Variants in FBN1 observed in about 807,000 individuals in gnomAD.
The protein encoded by FBN1 is fibrillin 1, also known as fibrillin-1.
Under a neutral mutation model 365.1 loss-of-function variants are expected in FBN1, and 29 were observed. The observed-to-expected ratio is 0.08, with a 90% confidence interval of 0.06 to 0.11. FBN1 has a LOEUF of 0.11. Ranked by LOEUF, FBN1 falls within the 10% of genes least tolerant of loss-of-function variation. The pLI is 1.00. For synonymous variants in FBN1, 1,210 were observed against 1,270.5 expected (o/e 0.95, Z 1.01); for missense variants, 2,476 against 3,703.2 (o/e 0.67, Z 8.60).
In FBN1 at chr15:48,534,877, A is replaced by G. The variant is rs1448997904; in HGVS notation, c.737-672T>C. ...GACTTACCTTGCTGGCACAGTGGCC[A>G]CCAGAAGCCACTTTTGTAAATGTCA... On this transcript the variant is annotated intron_variant, in intron 7 of 65. Transcript: ENST00000316623. 2.0e-5 allele frequency among the ~76,000 whole-genome samples: 3 copies of G among 152,220 alleles called. No individual in the cohort carries two copies. In the East Asian group the frequency reaches 5.8e-4, roughly 29 times the overall value.
rs781397493 is a variant in FBN1, at chr15:48,515,501, A to G, written c.1354T>C (p.Tyr452His). Residue 452 changes from tyrosine to histidine, a missense_variant, in exon 12 of 66, where the codon TAC becomes CAC. Physicochemically the swap from Tyr to His is moderately conservative, Grantham distance 83. Transcript: ENST00000316623. Reference protein sequence around the residue: ...PRVLPVNVTDYCQLVRYLCQN... With the variant: ...PRVLPVNVTDHCQLVRYLCQN... ...CAGAGATAGCGGACCAACTGGCAGT[A>G]ATCAGTAACGTTTACTGGCAGCACC... The G allele has an allele frequency of 4.3e-6, 7 of 1,614,040 alleles. No homozygotes were observed. The South Asian group carries it at 7.7e-5, about 18-fold the overall frequency.
chr15:48,438,890 C>A (rs12593184), intron 50 of FBN1, among the ~76,000 whole-genome samples: 1 of 152,136 alleles, frequency 6.6e-6, no homozygotes, highest in Admixed American at 6.6e-5. Flanking sequence ...TTAAAGCCTT[C>A]CAAAACTCCT....
chr15:48,561,262 G>C (rs1346185989), intron 6 of FBN1, among the ~76,000 whole-genome samples: 1 of 152,120 alleles, frequency 6.6e-6, no homozygotes, highest in Non-Finnish European at 1.5e-5. Flanking sequence ...ATTACCTTCT[G>C]CTACAGGGAC....
chr15:48,545,523 T>C (rs1324630208), intron 6 of FBN1, among the ~76,000 whole-genome samples: 3 of 152,122 alleles, frequency 2.0e-5, no homozygotes, highest in Non-Finnish European at 4.4e-5. Flanking sequence ...AGCAGTCAAA[T>C]TCATAGACAG....
intron 46 of FBN1, among the ~76,000 whole-genome samples, chr15:48,448,438 C>T (rs1025882343): frequency 1.3e-5 from 2 of 152,098 alleles, no homozygotes; most frequent in African/African-American, 4.8e-5. Context: ...GGTCATCTCA[C>T]ACTCAAAAAC....
intron 40 of FBN1, among the ~76,000 whole-genome samples, chr15:48,464,225 T>C (rs2043302872): frequency 1.3e-5 from 2 of 152,158 alleles, no homozygotes; most frequent in Admixed American, 6.5e-5. Flanking sequence ...GAAAAGGAAC[T>C]CTTGGCTGGG....
intron 10 of FBN1, among the ~76,000 whole-genome samples, chr15:48,518,713 C>T (rs548098825): frequency 2.0e-5 from 3 of 152,292 alleles, no homozygotes; most frequent in African/African-American, 7.2e-5. Context: ...TCCATCTTTC[C>T]TATCTCCACT....
intron 2 of FBN1, among the ~76,000 whole-genome samples, chr15:48,635,674 G>A (rs539645191): frequency 1.3e-5 from 2 of 152,284 alleles, no homozygotes; most frequent in African/African-American, 2.4e-5. Flanking sequence ...TTTATTTCAT[G>A]TATAATCTTA....
rs2043595231 is a variant in FBN1 at position 48,495,178 on chromosome 15, C to A, written c.2622G>T (p.Gln874His). The A allele has an allele frequency of 6.2e-7, 1 of 1,614,168 alleles. No individual in the cohort carries two copies. The highest frequency in any genetic ancestry group is 8.5e-7 in the Non-Finnish European group (1 of 1,180,030). ...ININGATLKSQCCSSLGAAWG... is the reference protein window; with the variant it reads ...ININGATLKSHCCSSLGAAWG... ...ACGCAGCACCGAGGGAGGAGCAGCA[C>A]TGGGACTTTAAGGTGGCTCCATTGA... Residue 874 changes from glutamine (Q) to histidine (H), a missense_variant, in exon 22 of 66, where the codon CAG (glutamine) becomes CAT (histidine). Physicochemically the swap from Gln to His is conservative, Grantham distance 24 (BLOSUM62 0). Around this residue, in one of 5 missense-constraint regions of FBN1, gnomAD observed 1,780 missense variants for 2,840.8 expected, o/e 0.63. Transcript: ENST00000316623.
At chr15:48,619,944 A>G (rs1889735526) in intron 2 of FBN1, among the ~76,000 whole-genome samples, 2 of 152,042 alleles carry the variant, frequency 1.3e-5, no homozygotes, top group Admixed American at 1.3e-4. Flanking sequence ...TTCGACCTAT[A>G]TGAATGCCAA....
At chr15:48,425,283 C>T (rs935981678) in intron 60 of FBN1, 86 bp downstream of exon 60, 15 of 1,582,762 alleles carry the variant, frequency 9.5e-6, no homozygotes, top group Admixed American at 5.0e-5. Flanking sequence ...GCAGGTCTTT[C>T]GGCTTGCCTG....
At chr15:48,504,281 T>C (rs987461045) in intron 16 of FBN1, among the ~76,000 whole-genome samples, 1 of 152,234 alleles carries the variant, frequency 6.6e-6, no homozygotes, top group African/African-American at 2.4e-5. Context: ...GTTGAATTAA[T>C]GATGGATGAA....
intron 56 of FBN1, among the ~76,000 whole-genome samples, chr15:48,429,264 G>C (rs2043007408): frequency 6.6e-6 from 1 of 152,122 alleles, no homozygotes. Context: ...GGTCAATATT[G>C]ATCTGGGGGA....
intron 6 of FBN1, among the ~76,000 whole-genome samples, chr15:48,547,733 A>T (rs1339886940): frequency 3.5e-5 from 3 of 85,618 alleles, no homozygotes; most frequent in African/African-American, 1.3e-4. Flanking sequence ...ACACACACAC[A>T]CACACACACA....
intron 17 of FBN1, among the ~76,000 whole-genome samples, chr15:48,500,537 T>C (rs1229805144): frequency 6.6e-6 from 1 of 152,214 alleles, no homozygotes; most frequent in Non-Finnish European, 1.5e-5. Flanking sequence ...TGTTTAATGA[T>C]TGAACGTGTA....
chr15:48,644,644 G>C lies in FBN1; in HGVS notation c.126C>G (p.Ala42=), dbSNP rs1297209434. ...CGTGTCCTCCACCGCCTCTTCTCTT[G>C]GCCCGACTGGCTCTGGTTTCCTTCA... ...GNVKETRASR[A]KRRGGGGHDA... Residue 42 remains alanine (A), a synonymous_variant, in exon 2 of 66, where the codon GCC becomes GCG. Coordinates refer to ENST00000316623, the MANE Select transcript of FBN1 (RefSeq NM_000138.5). The C allele has an allele frequency of 5.0e-6, 8 of 1,613,730 alleles. No individual in the cohort carries two copies. Among genetic ancestry groups the C allele is most frequent in the Non-Finnish European group, 6.8e-6 (8 of 1,180,026 alleles).
intron 49 of FBN1, among the ~76,000 whole-genome samples, chr15:48,443,834 G>A (rs143863226): frequency 0.022 from 3,314 of 151,972 alleles, 66 homozygotes; most frequent in East Asian, 0.082. Flanking sequence ...GGAGTTTGAG[G>A]CCAGCCTGGC....
At chr15:48,417,624 C>T (rs908127271) in intron 63 of FBN1, among the ~76,000 whole-genome samples, 1 of 152,074 alleles carries the variant, frequency 6.6e-6, no homozygotes, top group Admixed American at 6.6e-5. Flanking sequence ...CTCCAGGGCT[C>T]TTAAAATATA....
intron 6 of FBN1, among the ~76,000 whole-genome samples, chr15:48,590,034 T>C (rs942380218): frequency 6.6e-6 from 1 of 152,232 alleles, no homozygotes; most frequent in Non-Finnish European, 1.5e-5. Context: ...ATATACATAG[T>C]TCACAGAGCT....
Sources: gnomAD v4.1 joint callset for allele counts (sites outside exome capture counted in the v4.1 genomes callset) on GRCh38, gnomAD v4.1.1 for gene constraint, gnomAD v4.1.1 regional missense constraint, MANE v1.5 for transcripts, NCBI Gene and HGNC (gene_info 2026-07-23, HGNC 2026-07-21) for gene names.